Variants in SH3BP5 observed in about 807,000 individuals in gnomAD.
SH3BP5 encodes the protein SH3 domain-binding protein 5.
Under a neutral mutation model 43.3 loss-of-function variants are expected in SH3BP5, and 22 were observed. The observed-to-expected ratio is 0.51, with a 90% CI of 0.36 to 0.73. The LOEUF (loss-of-function observed/expected upper bound fraction) is 0.73. Among genes scored for constraint, SH3BP5 ranks in the 30% least tolerant of loss-of-function variants. SH3BP5 has a pLI of 0.00. For synonymous variants in SH3BP5, 255 were observed against 225.8 expected, an observed-to-expected ratio of 1.13 and a Z score of -1.16; for missense variants, 529 against 586.9, an observed-to-expected ratio of 0.90 and a Z score of 1.02.
chr3:15,296,693 CCT>C (rs1491198453), intron 3 of SH3BP5, among the ~76,000 whole-genome samples: 1 of 118,918 alleles, frequency 8.4e-6, no homozygotes, highest in Non-Finnish European at 1.6e-5. Flanking sequence ...AAGTGTTTTT[CCT>C]TTTTTTTTTT....
chr3:15,306,835 A>AT (rs908884705), intron 2 of SH3BP5, among the ~76,000 whole-genome samples: 22 of 150,616 alleles, frequency 1.5e-4, no homozygotes, highest in Non-Finnish European at 3.0e-4. Context: ...CGCCAAGCTA[A>AT]TTTTTTTTTC....
At chr3:15,277,203 C>A (rs1696997088) in intron 3 of SH3BP5, among the ~76,000 whole-genome samples, 1 of 152,030 alleles carries the variant, frequency 6.6e-6, no homozygotes, top group Non-Finnish European at 1.5e-5. Flanking sequence ...AACTCCTGAC[C>A]TTAGGTGATC....
At chr3:15,298,826 G>T (rs1343582250) in intron 3 of SH3BP5, among the ~76,000 whole-genome samples, 5 of 152,132 alleles carry the variant, frequency 3.3e-5, no homozygotes, top group African/African-American at 9.7e-5. Flanking sequence ...AGTTAGTGTT[G>T]AATGGGTACA....
intron 4 of SH3BP5, among the ~76,000 whole-genome samples, chr3:15,264,895 A>C (rs1402606455): frequency 6.6e-6 from 1 of 152,080 alleles, no homozygotes; most frequent in Non-Finnish European, 1.5e-5. Context: ...AGATCCAATT[A>C]AAGGTTTACC....
chr3:15,289,698 C>T (rs1019663171), intron 3 of SH3BP5, among the ~76,000 whole-genome samples: 4 of 152,200 alleles, frequency 2.6e-5, no homozygotes, highest in South Asian at 4.1e-4. Context: ...CACATACCTT[C>T]ACCCATATAT....
upstream of SH3BP5, chr3:15,332,677 A>C (rs1161894334): frequency 5.3e-6 from 6 of 1,139,660 alleles, no homozygotes; most frequent in Non-Finnish European, 6.5e-6. Context: ...TTCCGCCGCC[A>C]GTCCCAGCTA....
chr3:15,337,084 G>GT (rs374056927), upstream of SH3BP5, among the ~76,000 whole-genome samples: 22,026 of 99,536 alleles, frequency 0.22, 1,211 homozygotes, highest in East Asian at 0.32. Context: ...TTTTAGTTTA[G>GT]TTTTTTTTTT....
At chr3:15,330,689 T>C (rs1698588548) in intron 1 of SH3BP5, 123 bp from the exon 2 acceptor site, 15 of 1,404,284 alleles carry the variant, frequency 1.1e-5, no homozygotes, top group Non-Finnish European at 1.4e-5. Context: ...AGAATCAGAA[T>C]TAATTCTTAC....
intron 2 of SH3BP5, among the ~76,000 whole-genome samples, chr3:15,319,993 G>A (rs139617478): frequency 1.8e-3 from 280 of 152,200 alleles, no homozygotes; most frequent in East Asian, 4.6e-3. Context: ...ACAGTAACCA[G>A]AACAATGAAG....
At chr3:15,301,628 G>T (rs753372859) in intron 3 of SH3BP5, among the ~76,000 whole-genome samples, 5 of 152,058 alleles carry the variant, frequency 3.3e-5, no homozygotes, top group Non-Finnish European at 7.4e-5. Flanking sequence ...TGGATAAAGG[G>T]ATAGACATTT....
chr3:15,298,709 T>C (rs1697647732), intron 3 of SH3BP5, among the ~76,000 whole-genome samples: 2 of 152,200 alleles, frequency 1.3e-5, no homozygotes, highest in African/African-American at 4.8e-5. Context: ...ATGACAAATA[T>C]TGTATGATTC....
chr3:15,328,120 C>G lies in SH3BP5; in HGVS notation c.201+2384G>C, dbSNP rs184070607. ...ATAATACCGTGAAAAGGCCAGCCAG[C>G]AACCCAGCCCAGCCCTGGCCACCCC... On this transcript the variant is annotated intron_variant, in intron 2 of 8. Transcript: ENST00000383791. 3.3e-3 allele frequency among the ~76,000 whole-genome samples: 498 copies of G among 152,200 alleles called. 2 individuals are homozygous for G. The highest frequency in any genetic ancestry group is 5.0e-3 in the Non-Finnish European group (342 of 68,022).
intron 2 of SH3BP5, among the ~76,000 whole-genome samples, chr3:15,320,266 A>G (rs542561754): frequency 1.3e-5 from 2 of 152,258 alleles, no homozygotes; most frequent in East Asian, 1.9e-4. Flanking sequence ...CCCTGATAGC[A>G]GTTTCTTTCT....
intron 2 of SH3BP5, among the ~76,000 whole-genome samples, chr3:15,316,103 T>C (rs1056468251): frequency 6.6e-6 from 1 of 152,152 alleles, no homozygotes. Flanking sequence ...GAGTCACACT[T>C]GGCATTTTGT....
Position 15,316,665 on chromosome 3 carries a change from A to G in SH3BP5, c.202-12434T>C, listed in dbSNP as rs575799784. ...TGTGATGACTGGGTATTCATGTGTG[A>G]GATAGGCCATCCTCGAATTTTTTTA... On this transcript the variant is annotated intron_variant, in intron 2 of 8. Coordinates refer to ENST00000383791, the MANE Select transcript of SH3BP5 (RefSeq NM_004844.5). Among the ~76,000 whole-genome samples the G allele has an allele frequency of 3.9e-5, 6 of 152,112 alleles. No individual in the cohort carries two copies. In the South Asian group the frequency reaches 1.2e-3, roughly 32 times the overall value.
In SH3BP5 at chr3:15,296,862, T is replaced by TAA. The variant is rs869130338; in HGVS notation, c.330+7239_330+7240dup. The stretch of plus-strand genomic sequence containing the variant: ...GCAAGCACCACCATGTCTGGCTTCT[T>TAA]AAAAAAAAAAAAAAAAAAGAAATGG... On this transcript the variant is annotated intron_variant, in intron 3 of 8. Coordinates refer to ENST00000383791, the MANE Select transcript of SH3BP5 (RefSeq NM_004844.5). 3.4e-4 allele frequency among the ~76,000 whole-genome samples: 42 copies of TAA among 123,172 alleles called. No homozygotes were observed. The South Asian group carries it at 9.9e-3, about 29-fold the overall frequency. 80.8% of individuals were successfully genotyped at this position (123,172 alleles called of 152,430 possible).
chr3:15,322,248 T>C (rs1698346920), intron 2 of SH3BP5, among the ~76,000 whole-genome samples: 1 of 152,098 alleles, frequency 6.6e-6, no homozygotes, highest in Admixed American at 6.6e-5. Context: ...CTCATATGCA[T>C]ATATTCTTTT....
intron 1 of SH3BP5, 130 bp downstream of exon 1, chr3:15,332,141 T>C (rs927729619): frequency 1.8e-5 from 25 of 1,411,414 alleles, no homozygotes; most frequent in Non-Finnish European, 2.0e-5. Flanking sequence ...GACCGTCTCC[T>C]GCCACCCTAT....
intron 5 of SH3BP5, among the ~76,000 whole-genome samples, chr3:15,261,862 G>A (rs1441369027): frequency 1.3e-5 from 2 of 152,158 alleles, no homozygotes; most frequent in South Asian, 2.1e-4. Context: ...AGAGTACAGC[G>A]TGAATTTACC....
Sources: allele counts gnomAD v4.1 joint callset (sites outside exome capture counted in the v4.1 genomes callset), GRCh38; gene constraint gnomAD v4.1.1; transcripts MANE v1.5; gene names NCBI Gene and HGNC (gene_info 2026-07-23, HGNC 2026-07-21).